The following ZNF469 variants were observed in gnomAD, a reference collection of about 807,000 sequenced individuals.
ZNF469 encodes the protein zinc finger protein 469.
A neutral mutation model predicts 1.0 loss-of-function variants in ZNF469; 1 was observed. The ratio of observed to expected loss-of-function variants is 1.00; its 90% CI spans 0.35 to 4.73. ZNF469 has a LOEUF of 4.73. ZNF469 is among the 30% of genes most tolerant of loss of function. The pLI is 0.16. For synonymous variants in ZNF469, 2,703 were observed against 2,363.4 expected (o/e 1.14, Z -4.17); for missense variants, 6,100 against 5,356.3 (o/e 1.14, Z -4.33).
At chr16:88,348,878 G>A in the ZNF469 span, among the ~76,000 whole-genome samples, 13 of 152,138 alleles carry the variant, frequency 8.5e-5, no homozygotes, top group Non-Finnish European at 1.5e-4. Flanking sequence ...ATCACGCGTG[G>A]GCATGTATGT....
chr16:88,213,698 C>G, the ZNF469 span, among the ~76,000 whole-genome samples: 345 of 152,306 alleles, frequency 2.3e-3, 2 homozygotes, highest in Non-Finnish European at 3.2e-3. Context: ...TCCTCACTCT[C>G]GTGTGTCCTT....
chr16:88,278,878 A>T, the ZNF469 span, among the ~76,000 whole-genome samples: 3 of 137,214 alleles, frequency 2.2e-5, 1 homozygote, highest in Admixed American at 1.5e-4. Context: ...CCACGCCGAC[A>T]CTCGGTCAGT....
chr16:88,200,584 G>A, the ZNF469 span, among the ~76,000 whole-genome samples: 6 of 152,212 alleles, frequency 3.9e-5, no homozygotes, highest in East Asian at 1.9e-4. Flanking sequence ...ACCCTGCTCC[G>A]CCTAAGCTGC....
At chr16:88,122,472 C>A in the ZNF469 span, among the ~76,000 whole-genome samples, 2 of 147,176 alleles carry the variant, frequency 1.4e-5, no homozygotes, top group Non-Finnish European at 3.0e-5. Flanking sequence ...CCACTCTGAT[C>A]ACATTCCCGT....
chr16:88,175,193 C>T, the ZNF469 span, among the ~76,000 whole-genome samples: 5 of 152,188 alleles, frequency 3.3e-5, no homozygotes, highest in Non-Finnish European at 5.9e-5. Flanking sequence ...GCAAAATCCC[C>T]GCACAGCAGC....
the ZNF469 span, among the ~76,000 whole-genome samples, chr16:88,361,539 T>A: frequency 6.6e-6 from 1 of 151,718 alleles, no homozygotes; most frequent in Non-Finnish European, 1.5e-5. Flanking sequence ...TGTGAAGGTC[T>A]CTTTAAATTA....
At chr16:88,307,260 T>G in the ZNF469 span, among the ~76,000 whole-genome samples, 75 of 152,388 alleles carry the variant, frequency 4.9e-4, no homozygotes, top group African/African-American at 1.7e-3. Flanking sequence ...CTGATGGAAG[T>G]GTGGGCTGTT....
At chr16:88,227,488 C>T in the ZNF469 span, among the ~76,000 whole-genome samples, 2 of 151,254 alleles carry the variant, frequency 1.3e-5, no homozygotes, top group South Asian at 4.2e-4. Context: ...CCCTGTCTCC[C>T]TGTGTCCCCG....
At chr16:88,209,143 C>T in the ZNF469 span, among the ~76,000 whole-genome samples, 3 of 152,108 alleles carry the variant, frequency 2.0e-5, no homozygotes, top group Middle Eastern at 3.4e-3. Flanking sequence ...AACCTGGTTC[C>T]ACAAAACAAA....
the ZNF469 span, among the ~76,000 whole-genome samples, chr16:88,245,126 A>G: frequency 9.2e-5 from 14 of 152,194 alleles, no homozygotes; most frequent in South Asian, 4.2e-4. Context: ...TCATGTTGCT[A>G]TGAGGGAGGG....
chr16:88,135,192 C>A, the ZNF469 span, among the ~76,000 whole-genome samples: 1 of 152,234 alleles, frequency 6.6e-6, no homozygotes. Flanking sequence ...ATGAAGGAAT[C>A]GTCTCTGTAA....
the ZNF469 span, among the ~76,000 whole-genome samples, chr16:88,103,745 A>C: frequency 2.7e-5 from 4 of 148,402 alleles, no homozygotes; most frequent in African/African-American, 1.0e-4. Context: ...CGGTGGAATA[A>C]TCCTCCGTGG....
chr16:88,243,552 C>T, the ZNF469 span, among the ~76,000 whole-genome samples: 3 of 152,228 alleles, frequency 2.0e-5, no homozygotes, highest in Middle Eastern at 3.4e-3. Flanking sequence ...GGTTCCCAGG[C>T]GAGCAGAGGG....
chr16:88,363,012 A>G, the ZNF469 span, among the ~76,000 whole-genome samples: 10 of 152,096 alleles, frequency 6.6e-5, no homozygotes, highest in African/African-American at 1.4e-4. Context: ...GAAATTTCTC[A>G]TTTCAGATAT....
In ZNF469 at chr16:88,433,467, C is replaced by T. The variant is rs1279132585; in HGVS notation, c.5997C>T (p.Asn1999=). Residue 1999 remains asparagine (N), a synonymous_variant, in exon 3 of 3, where the codon AAC becomes AAT. Coordinates refer to ENST00000565624, the MANE Select transcript of ZNF469 (RefSeq NM_001367624.2). ...AAACCCAGGGCCAAGGCACAGCCAACCAGCTTCAGCCAGAGAACGGGGTGA... is the reference window on the plus strand; with the variant it reads ...AAACCCAGGGCCAAGGCACAGCCAATCAGCTTCAGCCAGAGAACGGGGTGA... ...AEKTQGQGTA[N]QLQPENGVSP... 1 of 1,550,274 alleles carries T rather than the reference C, an allele frequency of 6.5e-7. No individual in the cohort carries two copies. The highest frequency in any genetic ancestry group is 2.4e-5 in the East Asian group (1 of 40,924).
chr16:88,434,509 G>A lies in ZNF469; in HGVS notation c.7039G>A (p.Ala2347Thr). 1.3e-6 allele frequency: 2 copies of A among 1,550,270 alleles called. No homozygotes were observed. Among genetic ancestry groups the A allele is most frequent in the Non-Finnish European group, 1.7e-6 (2 of 1,146,964 alleles). ...LGHREGQAVT[A>T]VPTEPPTLQG... Reference sequence around the variant, plus strand: ...CCACAGGGAGGGCCAGGCTGTCACAGCTGTGCCCACTGAGCCTCCCACGCT... The same window carrying A: ...CCACAGGGAGGGCCAGGCTGTCACAACTGTGCCCACTGAGCCTCCCACGCT... Residue 2347 changes from alanine (A) to threonine (T), a missense_variant, in exon 3 of 3, where the codon GCT becomes ACT. By Grantham distance (58) the Ala-to-Thr change is moderately conservative. Coordinates refer to ENST00000565624, the MANE Select transcript of ZNF469 (RefSeq NM_001367624.2).
At chr16:88,311,822 A>T in the ZNF469 span, among the ~76,000 whole-genome samples, 5 of 152,196 alleles carry the variant, frequency 3.3e-5, no homozygotes, top group Non-Finnish European at 5.9e-5. Flanking sequence ...GCATTTTCGC[A>T]ATGATATAGC....
chr16:88,189,377 G>A, the ZNF469 span, among the ~76,000 whole-genome samples: 278 of 152,308 alleles, frequency 1.8e-3, 2 homozygotes, highest in African/African-American at 6.4e-3. This position sits in a 1 kb window ranked among gnomAD's most constrained non-coding sequence, Gnocchi z 4.3. Context: ...ATGGGGGGAT[G>A]TGATGGTTCT....
the ZNF469 span, among the ~76,000 whole-genome samples, chr16:88,215,383 A>ACTTTTTTTTTTT: frequency 2.9e-4 from 27 of 94,164 alleles, 2 homozygotes; most frequent in Admixed American, 6.2e-4. Flanking sequence ...TTGCCTTTTA[A>ACTTTTTTTTTTT]TTTTTTTTTT....
Sources: allele counts gnomAD v4.1 joint callset (sites outside exome capture counted in the v4.1 genomes callset), GRCh38; gene constraint gnomAD v4.1.1; non-coding constraint Gnocchi (gnomAD v3.1); transcripts MANE v1.5; gene names NCBI Gene and HGNC (gene_info 2026-07-23, HGNC 2026-07-21).